Variants in DHX40 observed in about 807,000 individuals in gnomAD.
The protein encoded by DHX40 is probable ATP-dependent RNA helicase DHX40.
Under a neutral mutation model 89.6 loss-of-function variants are expected in DHX40, and 28 were observed. That is an observed-to-expected ratio of 0.31 (90% CI 0.23 to 0.43). The LOEUF is 0.43. Ranked by LOEUF, DHX40 falls within the 20% of genes least tolerant of loss-of-function variation. The pLI is 1.00. For synonymous variants in DHX40, 226 were observed against 283.6 expected, an observed-to-expected ratio of 0.80 and a Z score of 2.04; for missense variants, 457 against 844.0, an observed-to-expected ratio of 0.54 and a Z score of 5.68.
At chr17:59,567,872 C>A (rs2048729442) in intron 2 of DHX40, among the ~76,000 whole-genome samples, 1 of 150,886 alleles carries the variant, frequency 6.6e-6, no homozygotes, top group Non-Finnish European at 1.5e-5. Flanking sequence ...GCGGAGCTTG[C>A]AGTGAGCCGA....
chr17:59,573,478 C>T (rs1369344849), intron 4 of DHX40, among the ~76,000 whole-genome samples: 1 of 152,130 alleles, frequency 6.6e-6, no homozygotes, highest in African/African-American at 2.4e-5. Flanking sequence ...TGCAGACGTG[C>T]ATCACCATGT....
intron 2 of DHX40, among the ~76,000 whole-genome samples, chr17:59,567,162 C>T (rs1193923088): frequency 1.3e-5 from 2 of 152,170 alleles, no homozygotes; most frequent in Non-Finnish European, 2.9e-5. Flanking sequence ...TTGGTTCTTT[C>T]TCTAGAGCAT....
intron 4 of DHX40, 60 bp from the exon 5 acceptor site, chr17:59,573,680 C>G: frequency 1.3e-6 from 2 of 1,542,102 alleles, no homozygotes; most frequent in Non-Finnish European, 1.8e-6. Flanking sequence ...AGCAGTGTAT[C>G]TAAAATAGTT....
At chr17:59,601,730 T>C (rs1174362876) in intron 14 of DHX40, among the ~76,000 whole-genome samples, 1 of 152,206 alleles carries the variant, frequency 6.6e-6, no homozygotes, top group East Asian at 1.9e-4. Context: ...ACATTGTGAA[T>C]TTCACCTTGT....
rs769555475 is a variant in DHX40, at chr17:59,588,022, G to A, written c.1551G>A (p.Met517Ile). 7 of 1,613,594 alleles carry A rather than the reference G, an allele frequency of 4.3e-6. No individual in the cohort carries two copies. Among genetic ancestry groups the A allele is most frequent in the Non-Finnish European group, 5.9e-6 (7 of 1,179,772 alleles). ...ATCTACTACTTCCAATAGCAGCAAT[G>A]TTGTCTGTGGAAAACGTCTTCATTA... Reference protein sequence around the residue: ...CEDLLLPIAAMLSVENVFIRP... With the variant: ...CEDLLLPIAAILSVENVFIRP... Residue 517 changes from methionine to isoleucine, a missense_variant, in exon 12 of 18, where the codon ATG becomes ATA. This residue lies in a region of DHX40 where 19 missense variants were observed against 24.2 expected (regional missense o/e 0.78). Transcript: ENST00000251241.
At chr17:59,574,475 C>T (rs1277323201) in intron 6 of DHX40, among the ~76,000 whole-genome samples, 2 of 151,206 alleles carry the variant, frequency 1.3e-5, no homozygotes, top group East Asian at 3.9e-4. Flanking sequence ...ATGTTTATGT[C>T]AAAGACATAA....
At chr17:59,567,689 G>A (rs1185235308) in intron 2 of DHX40, among the ~76,000 whole-genome samples, 1 of 151,988 alleles carries the variant, frequency 6.6e-6, no homozygotes, top group Non-Finnish European at 1.5e-5. Flanking sequence ...CACTTTGGGA[G>A]CCCGAGGTGG....
intron 3 of DHX40, among the ~76,000 whole-genome samples, chr17:59,571,859 C>T (rs1218572723): frequency 2.6e-5 from 4 of 152,256 alleles, no homozygotes; most frequent in Non-Finnish European, 4.4e-5. Context: ...GGTAAACCAC[C>T]GCGCCCTGCT....
At chr17:59,570,744 C>A (rs745397578) in intron 3 of DHX40, 81 bp downstream of exon 3, 22 of 1,416,820 alleles carry the variant, frequency 1.6e-5, no homozygotes, top group Non-Finnish European at 2.0e-5. Flanking sequence ...GAGTGCGTGG[C>A]GCAATCATGG....
intron 3 of DHX40, 128 bp downstream of exon 3, chr17:59,570,791 T>C: frequency 1.1e-6 from 1 of 907,850 alleles, no homozygotes; most frequent in Non-Finnish European, 1.5e-6. Context: ...TCAAGTGATC[T>C]CCTACCTCAG....
At chr17:59,597,930 G>A (rs868030239) in intron 12 of DHX40, among the ~76,000 whole-genome samples, 26 of 135,504 alleles carry the variant, frequency 1.9e-4, no homozygotes, top group Middle Eastern at 4.0e-3. Flanking sequence ...GCGAGACTCC[G>A]TCTCAAAAAA....
chr17:59,589,215 A>ATTTTTTT (rs1209554990), intron 12 of DHX40, among the ~76,000 whole-genome samples: 15 of 89,352 alleles, frequency 1.7e-4, no homozygotes, highest in Middle Eastern at 8.3e-3. Flanking sequence ...ACTTGCTGGG[A>ATTTTTTT]TTTTTTTTTT....
rs2048783660 is a variant in DHX40, at chr17:59,570,217, ATTAAATATATATTAG to A, written c.281-299_281-285del. ...TAATATATTATAATATATATTATAT[ATTAAATATATATTAG>A]TATATAATATATATAATATATAAAT... On this transcript the variant is annotated intron_variant, in intron 2 of 17. Coordinates refer to ENST00000251241, the MANE Select transcript of DHX40 (RefSeq NM_024612.5). Among the ~76,000 whole-genome samples, 3 of 124,266 alleles carry A rather than the reference ATTAAATATATATTAG, an allele frequency of 2.4e-5. No individual in the cohort carries two copies. In the East Asian group the frequency reaches 6.1e-4, roughly 25 times the overall value. The allele number at this position is 124,266 out of a possible 152,430, so 81.5% of individuals were successfully genotyped here.
chr17:59,589,303 G>T (rs1598161601), intron 12 of DHX40, among the ~76,000 whole-genome samples: 1 of 133,406 alleles, frequency 7.5e-6, no homozygotes, highest in South Asian at 2.5e-4. Flanking sequence ...CTCACTACAA[G>T]CTCTGCCTCC....
intron 12 of DHX40, among the ~76,000 whole-genome samples, chr17:59,598,014 G>A (rs979128414): frequency 6.7e-6 from 1 of 150,004 alleles, no homozygotes; most frequent in Non-Finnish European, 1.5e-5. Flanking sequence ...CTACAGGCAT[G>A]CATCACCATG....
intron 12 of DHX40, among the ~76,000 whole-genome samples, chr17:59,595,060 C>G (rs571298085): frequency 6.6e-6 from 1 of 151,420 alleles, no homozygotes; most frequent in South Asian, 2.1e-4. Context: ...CTGTGCAGGT[C>G]TACTTATTTG....
intron 3 of DHX40, among the ~76,000 whole-genome samples, chr17:59,571,521 T>G (rs773756564): frequency 2.0e-5 from 3 of 151,992 alleles, no homozygotes; most frequent in Non-Finnish European, 4.4e-5. Flanking sequence ...TTTCAGAACT[T>G]TTTTTATCAT....
rs761757313 is a variant in DHX40 at position 59,573,276 on chromosome 17, A to G, written c.546+41A>G. On this transcript the variant is annotated intron_variant, in intron 4 of 17. Transcript: ENST00000251241. ...TATTATTATTTTTTTATTAGCAAGT[A>G]GTTTGTTTGGGTAGCTTTTTATTGT... is the stretch of plus-strand genomic sequence containing the variant. The G allele has an allele frequency of 2.6e-6, 4 of 1,548,034 alleles. No individual in the cohort carries two copies. The African/African-American group carries it at 4.2e-5, about 16-fold the overall frequency.
chr17:59,606,915 T>G (rs761303911), intron 17 of DHX40, 118 bp from the exon 18 acceptor site: 13 of 1,030,052 alleles, frequency 1.3e-5, no homozygotes, highest in Non-Finnish European at 1.8e-5. Context: ...AATTTAATTT[T>G]TCTCTTTATT....
Sources: allele counts gnomAD v4.1 joint callset (sites outside exome capture counted in the v4.1 genomes callset), GRCh38; gene constraint gnomAD v4.1.1; regional missense constraint gnomAD v4.1.1; transcripts MANE v1.5; gene names NCBI Gene and HGNC (gene_info 2026-07-23, HGNC 2026-07-21).